The following KHDRBS2 variants were observed in gnomAD, a reference collection of about 807,000 sequenced individuals.
KHDRBS2 encodes the protein KH domain-containing, RNA-binding, signal transduction-associated protein 2.
Under a neutral mutation model 44.3 loss-of-function variants are expected in KHDRBS2, and 26 were observed. The observed-to-expected ratio is 0.59, with a 90% CI of 0.43 to 0.81. KHDRBS2 has a LOEUF of 0.81. Ranked by LOEUF, KHDRBS2 falls within the 40% of genes least tolerant of loss-of-function variation. KHDRBS2 has a pLI of 0.00. For synonymous variants in KHDRBS2, 194 were observed against 151.1 expected (o/e 1.28, Z -2.08); for missense variants, 476 against 433.1 (o/e 1.10, Z -0.88).
intron 2 of KHDRBS2, among the ~76,000 whole-genome samples, chr6:62,126,216 G>A (rs534405972): frequency 2.6e-5 from 4 of 152,292 alleles, no homozygotes; most frequent in South Asian, 2.1e-4. Flanking sequence ...AGTATTTGCC[G>A]TGGGCCTAGG....
chr6:61,772,977 T>G (rs1003501895), intron 6 of KHDRBS2, among the ~76,000 whole-genome samples: 3 of 152,216 alleles, frequency 2.0e-5, no homozygotes, highest in African/African-American at 7.2e-5. Flanking sequence ...AACTCATCAT[T>G]TTTTATGTCT....
chr6:61,831,718 G>A (rs955044279), intron 6 of KHDRBS2, among the ~76,000 whole-genome samples: 4 of 151,514 alleles, frequency 2.6e-5, no homozygotes, highest in African/African-American at 4.8e-5. Flanking sequence ...TAAATATCAC[G>A]GTGAAAATAC....
intron 1 of KHDRBS2, among the ~76,000 whole-genome samples, chr6:62,223,505 T>G (rs1188217933): frequency 6.6e-6 from 1 of 152,210 alleles, no homozygotes; most frequent in Non-Finnish European, 1.5e-5. Context: ...TGGCTCCTTG[T>G]TACTTATGCA....
the KHDRBS2 span, among the ~76,000 whole-genome samples, chr6:61,554,100 G>T: frequency 2.8e-4 from 42 of 152,238 alleles, no homozygotes; most frequent in Admixed American, 2.1e-3. Flanking sequence ...CTATTGGGGT[G>T]TTAAAGTCTT....
intron 2 of KHDRBS2, among the ~76,000 whole-genome samples, chr6:62,060,156 T>C (rs1252921320): frequency 1.3e-5 from 2 of 151,894 alleles, no homozygotes; most frequent in East Asian, 3.9e-4. Flanking sequence ...ACAAATTTGA[T>C]AAACAGAAAG....
At chr6:61,986,605 G>A (rs76564827) in intron 3 of KHDRBS2, among the ~76,000 whole-genome samples, 5,292 of 152,252 alleles carry the variant, frequency 0.035, 138 homozygotes, top group African/African-American at 0.055. Context: ...TGGTCAGGCT[G>A]CTACTGCAAA....
chr6:61,612,261 T>C, the KHDRBS2 span, among the ~76,000 whole-genome samples: 4 of 152,076 alleles, frequency 2.6e-5, no homozygotes, highest in African/African-American at 9.7e-5. Flanking sequence ...GAATTGCATA[T>C]TATTTGTCAC....
intron 2 of KHDRBS2, among the ~76,000 whole-genome samples, chr6:62,081,858 A>G (rs1325744845): frequency 2.6e-5 from 4 of 152,036 alleles, no homozygotes; most frequent in Non-Finnish European, 5.9e-5. Flanking sequence ...GAGAAATTAT[A>G]TATAATATTA....
intron 6 of KHDRBS2, among the ~76,000 whole-genome samples, chr6:61,855,917 GT>G (rs1562310841): frequency 6.6e-6 from 1 of 151,798 alleles, no homozygotes; most frequent in African/African-American, 2.4e-5. Flanking sequence ...CACTCCTTCT[GT>G]TTTGGTTATT....
chr6:61,888,322 C>T (rs1801277573), intron 6 of KHDRBS2, among the ~76,000 whole-genome samples: 1 of 152,160 alleles, frequency 6.6e-6, no homozygotes, highest in Admixed American at 6.5e-5. Flanking sequence ...ACAACCCTGG[C>T]TGAATGCCAT....
At chr6:61,806,615 T>C (rs944862653) in intron 6 of KHDRBS2, among the ~76,000 whole-genome samples, 4 of 140,316 alleles carry the variant, frequency 2.9e-5, no homozygotes, top group Admixed American at 2.1e-4. Context: ...AATTATGTTA[T>C]TATATTGGTA....
At chr6:62,043,971 T>A (rs1449902127) in intron 3 of KHDRBS2, among the ~76,000 whole-genome samples, 1 of 152,094 alleles carries the variant, frequency 6.6e-6, no homozygotes. Context: ...GGTCAATATG[T>A]TTAATTAAGT....
chr6:61,823,819 A>G (rs1790401305), intron 6 of KHDRBS2, among the ~76,000 whole-genome samples: 1 of 152,128 alleles, frequency 6.6e-6, no homozygotes, highest in African/African-American at 2.4e-5. Context: ...AAATTTGCAG[A>G]TTATAAAATT....
chr6:61,613,878 A>G, the KHDRBS2 span, among the ~76,000 whole-genome samples: 1 of 152,198 alleles, frequency 6.6e-6, no homozygotes. Flanking sequence ...TTTTTACTCA[A>G]GTAGTTTACC....
chr6:61,729,310 C>G (rs1204531535), intron 7 of KHDRBS2, among the ~76,000 whole-genome samples: 10 of 152,190 alleles, frequency 6.6e-5, no homozygotes, highest in Middle Eastern at 3.4e-3. Flanking sequence ...GGGAACAACA[C>G]ACACTGGGGC....
intron 1 of KHDRBS2, among the ~76,000 whole-genome samples, chr6:62,266,321 C>T (rs1278077996): frequency 6.6e-6 from 1 of 152,016 alleles, no homozygotes; most frequent in Non-Finnish European, 1.5e-5. Context: ...TGAGGGCTGG[C>T]TCTGGCTGGC....
chr6:62,226,095 T>A (rs935921298), intron 1 of KHDRBS2, among the ~76,000 whole-genome samples: 3 of 152,168 alleles, frequency 2.0e-5, no homozygotes, highest in Admixed American at 6.5e-5. Context: ...TGGTTCTAGA[T>A]CATTGAGGAA....
chr6:61,639,833 A>G, the KHDRBS2 span, among the ~76,000 whole-genome samples: 1 of 152,080 alleles, frequency 6.6e-6, no homozygotes, highest in Non-Finnish European at 1.5e-5. Flanking sequence ...TGGTGTGACA[A>G]CCTGGTTATA....
At chr6:61,706,154 T>G (rs1769509904) in intron 7 of KHDRBS2, among the ~76,000 whole-genome samples, 1 of 151,816 alleles carries the variant, frequency 6.6e-6, no homozygotes, top group African/African-American at 2.4e-5. Context: ...GCATCACCAT[T>G]GATCACCACC....
Sources: gnomAD v4.1 joint callset for allele counts (sites outside exome capture counted in the v4.1 genomes callset) on GRCh38, gnomAD v4.1.1 for gene constraint, MANE v1.5 for transcripts, NCBI Gene and HGNC (gene_info 2026-07-23, HGNC 2026-07-21) for gene names.